FAM133B: variants seen among roughly 807,000 people sequenced by gnomAD.
The protein encoded by FAM133B is protein FAM133B.
Under a neutral mutation model 46.4 loss-of-function variants are expected in FAM133B, and 25 were observed. That is an observed-to-expected ratio of 0.54 (90% confidence interval 0.39 to 0.75). The LOEUF (loss-of-function observed/expected upper bound fraction) is 0.75. Ranked by LOEUF, FAM133B falls within the 30% of genes least tolerant of loss-of-function variation. FAM133B has a pLI of 0.00. For synonymous variants in FAM133B, 75 were observed against 86.0 expected, an observed-to-expected ratio of 0.87 and a Z score of 0.71; for missense variants, 205 against 277.6, an observed-to-expected ratio of 0.74 and a Z score of 1.86.
At chr7:92,572,418 T>C (rs1794558982) in intron 8 of FAM133B, among the ~76,000 whole-genome samples, 1 of 152,182 alleles carries the variant, frequency 6.6e-6, no homozygotes, top group South Asian at 2.1e-4. Flanking sequence ...AAGTATCCTT[T>C]AGAAAATTAA....
At chr7:92,573,291 G>A (rs1253051975) in intron 8 of FAM133B, among the ~76,000 whole-genome samples, 2 of 150,948 alleles carry the variant, frequency 1.3e-5, no homozygotes, top group Non-Finnish European at 2.9e-5. Flanking sequence ...CTTCAGTCTC[G>A]GGAGAAACTA....
chr7:92,582,475 G>A (rs1325882090), intron 1 of FAM133B, among the ~76,000 whole-genome samples: 1 of 151,962 alleles, frequency 6.6e-6, no homozygotes, highest in East Asian at 1.9e-4. Flanking sequence ...TTGTAGGCAG[G>A]CAAGAAAAAA....
At position 92,562,305 on chromosome 7, in the gene FAM133B, T is replaced by A. The variant is rs1365559535; in HGVS notation, c.721A>T (p.Ser241Cys). The A allele has an allele frequency of 5.2e-6, 8 of 1,534,378 alleles. No individual in the cohort carries two copies. The African/African-American group carries it at 1.1e-4, about 21-fold the overall frequency. The change falls in exon 11 of 11, where the codon AGT (serine) becomes TGT (cysteine). Residue 241 changes from serine (S) to cysteine (C), a missense_variant. Transcript: ENST00000445716. ...TGTTATGGTGAGTCAGGACTTGAACTAGCAGCCTTCTTTTTCTTCTTCTTA... is the reference window on the plus strand; with the variant it reads ...TGTTATGGTGAGTCAGGACTTGAACAAGCAGCCTTCTTTTTCTTCTTCTTA... ...HSKKKKKKAA[S>C]SSPDSP
chr7:92,585,448 G>A, intron 1 of FAM133B: 1 of 794,372 alleles, frequency 1.3e-6, no homozygotes, highest in Non-Finnish European at 1.5e-6. Context: ...TATTTCCAAA[G>A]AGTGCAAATA....
chr7:92,575,351 G>A (rs1277302229), intron 8 of FAM133B, among the ~76,000 whole-genome samples: 1 of 152,172 alleles, frequency 6.6e-6, no homozygotes, highest in African/African-American at 2.4e-5. Flanking sequence ...ACACACACCT[G>A]TAGTCCCAGC....
intron 8 of FAM133B, among the ~76,000 whole-genome samples, chr7:92,573,813 T>C (rs7783854): frequency 1.3e-3 from 191 of 152,208 alleles, no homozygotes; most frequent in African/African-American, 4.3e-3. Flanking sequence ...TTATATTAAA[T>C]TATCCTTGAA....
intron 8 of FAM133B, among the ~76,000 whole-genome samples, chr7:92,570,688 A>T (rs1048593725): frequency 6.6e-6 from 1 of 152,186 alleles, no homozygotes; most frequent in African/African-American, 2.4e-5. Context: ...TTCAGAATGT[A>T]CAACTTTTTA....
chr7:92,578,390 A>C lies in FAM133B; in HGVS notation c.205T>G (p.Trp69Gly). 6.2e-7 allele frequency: 1 copy of C among 1,612,448 alleles called. No individual in the cohort carries two copies. The highest frequency in any genetic ancestry group is 1.1e-5 in the South Asian group (1 of 90,892). The change falls in exon 4 of 11, where the codon TGG (tryptophan) becomes GGG (glycine). Residue 69 changes from tryptophan to glycine, a missense_variant. Coordinates refer to ENST00000445716, the MANE Select transcript of FAM133B (RefSeq NM_152789.4). ...AEFEEKMNEN[W>G]KKELEKHREK... is the part of the protein sequence containing the mutation. ...CTGTGTTTTTCCAGTTCTTTCTTCC[A>C]GTTCTGCAAAAAGGTTATGAACACC...
rs114870455 is a variant in FAM133B at position 92,587,441 on chromosome 7, C to T, written c.24+2827G>A. 4.1e-3 allele frequency among the ~76,000 whole-genome samples: 618 copies of T among 152,146 alleles called. 3 individuals carry two copies. Among genetic ancestry groups the T allele is most frequent in the African/African-American group, 0.013 (555 of 41,514 alleles). On this transcript the variant is annotated intron_variant, in intron 1 of 10. Coordinates refer to ENST00000445716, the MANE Select transcript of FAM133B (RefSeq NM_152789.4). ...GAGAGGATTTTTACTCTTTATGATA[C>T]TATATTGGTGAACGCATGTGGTGGC...
At chr7:92,589,266 C>G (rs1041618393) in intron 1 of FAM133B, among the ~76,000 whole-genome samples, 1 of 152,194 alleles carries the variant, frequency 6.6e-6, no homozygotes, top group Non-Finnish European at 1.5e-5. Context: ...CTCATTCAAT[C>G]TGATTCATAA....
intron 8 of FAM133B, among the ~76,000 whole-genome samples, chr7:92,573,512 A>T (rs990616946): frequency 6.6e-6 from 1 of 151,146 alleles, no homozygotes; most frequent in Non-Finnish European, 1.5e-5. Flanking sequence ...AATGTAAATC[A>T]TTTATTAATT....
chr7:92,590,208 T>A, intron 1 of FAM133B, 60 bp downstream of exon 1: 1 of 1,611,876 alleles, frequency 6.2e-7, no homozygotes, highest in Non-Finnish European at 8.5e-7. Flanking sequence ...CAGCGAGGGT[T>A]CTCGCTGTCC....
At chr7:92,568,556 T>TG (rs1794437144) in intron 9 of FAM133B, among the ~76,000 whole-genome samples, 1 of 139,032 alleles carries the variant, frequency 7.2e-6, no homozygotes, top group African/African-American at 2.8e-5. Flanking sequence ...TTAGCAGAGA[T>TG]GGAGTTTCAC....
rs1375243969 is a variant in FAM133B, at chr7:92,569,920, G to A, written c.517-5C>T. On this transcript the variant is annotated splice_region_variant and splice_polypyrimidine_tract_variant and intron_variant, in intron 8 of 10. Transcript: ENST00000445716. ...TTTGCTGAGTCCTTTAATATCCTAT[G>A]AAAAATAAATACATTTATCTTGACT... The A allele has an allele frequency of 3.1e-6, 4 of 1,278,626 alleles. No homozygotes were observed. Among genetic ancestry groups the A allele is most frequent in the Non-Finnish European group, 4.1e-6 (4 of 971,898 alleles). 79.2% of individuals were successfully genotyped at this position (1,278,626 alleles called of 1,614,324 possible). A position where few individuals can be genotyped will look rare whatever the true frequency, so the allele number is the denominator to read the frequency against.
intron 8 of FAM133B, among the ~76,000 whole-genome samples, chr7:92,574,930 T>A (rs542142965): frequency 0.012 from 1,762 of 144,810 alleles, 47 homozygotes; most frequent in African/African-American, 0.043. Context: ...AAAAAAAATA[T>A]GTAAATTCTG....
At chr7:92,575,372 C>G in intron 8 of FAM133B, among the ~76,000 whole-genome samples, 1 of 152,088 alleles carries the variant, frequency 6.6e-6, no homozygotes, top group East Asian at 1.9e-4. Flanking sequence ...TACAGGGAGG[C>G]TGAGGCAGGA....
In FAM133B at chr7:92,577,195, C is replaced by T; in HGVS notation, c.373G>A (p.Asp125Asn). The change falls in exon 7 of 11, where the codon GAT (aspartate) becomes AAT (asparagine). Residue 125 changes from aspartate to asparagine, a missense_variant and splice_region_variant. Transcript: ENST00000445716. ...SSSSSDSEDEDKKQGKRRKKK... is the reference protein window; with the variant it reads ...SSSSSDSEDENKKQGKRRKKK... The stretch of plus-strand genomic sequence containing the variant: ...TTTCTCCGTTTTCCTTGTTTCTTAT[C>T]CTACATAAAATATTTTTAGAAACAT... The T allele has an allele frequency of 6.8e-7, 1 of 1,469,336 alleles. No individual in the cohort carries two copies. Among genetic ancestry groups the T allele is most frequent in the Non-Finnish European group, 9.0e-7 (1 of 1,105,864 alleles). The allele number at this position is 1,469,336 out of a possible 1,614,324, so 91.0% of individuals were successfully genotyped here.
intron 1 of FAM133B, among the ~76,000 whole-genome samples, chr7:92,585,847 A>T (rs918586618): frequency 6.6e-6 from 1 of 152,232 alleles, no homozygotes; most frequent in Non-Finnish European, 1.5e-5. Context: ...TATTATAGTA[A>T]TAAAGGTAAA....
At chr7:92,578,487 C>A in intron 3 of FAM133B, 94 bp from the exon 4 acceptor site, 1 of 1,040,510 alleles carries the variant, frequency 9.6e-7, no homozygotes. Context: ...CCTCCATCCT[C>A]TTAATACCTC....
Sources: allele counts gnomAD v4.1 joint callset (sites outside exome capture counted in the v4.1 genomes callset), GRCh38; gene constraint gnomAD v4.1.1; transcripts MANE v1.5; gene names NCBI Gene and HGNC (gene_info 2026-07-23, HGNC 2026-07-21).